Variants in EXOC1 observed in about 807,000 individuals in gnomAD.
EXOC1 encodes SEC3-like 1.
EXOC1 carries 67 observed loss-of-function variants against 107.7 expected under a neutral mutation model. The observed-to-expected ratio is 0.62, with a 90% CI of 0.51 to 0.76. The LOEUF (loss-of-function observed/expected upper bound fraction) is 0.76. Among genes scored for constraint, EXOC1 ranks in the 30% least tolerant of loss-of-function variants. The probability of loss-of-function intolerance (pLI) is 0.00; values close to 1 mark genes in which losing one functional copy is unlikely to be tolerated. For missense variants in EXOC1, 833 were observed against 1,055.7 expected, an observed-to-expected ratio of 0.79 and a Z score of 2.92; for synonymous variants, 348 against 353.5, an observed-to-expected ratio of 0.98 and a Z score of 0.17.
rs762315312 is a variant in EXOC1, at chr4:55,904,369, A to G, written c.2559A>G (p.Glu853=). ...TGGTGTGGCACTCCATGCAAGATGA[A>G]TTTATACGCCAGTATAAGCACTTTG... is the stretch of plus-strand genomic sequence containing the variant. ...LQVVWHSMQD[E]FIRQYKHFEG... is the part of the protein sequence containing the mutation. Residue 853 remains glutamate (E), a synonymous_variant, in exon 19 of 19, where the codon GAA becomes GAG. Coordinates refer to ENST00000381295, the MANE Select transcript of EXOC1 (RefSeq NM_001024924.2). 3.7e-6 allele frequency: 6 copies of G among 1,610,374 alleles called. No homozygotes were observed. The highest frequency in any genetic ancestry group is 2.5e-6 in the Non-Finnish European group (3 of 1,178,986).
intron 8 of EXOC1, chr4:55,876,231 A>G: frequency 1.0e-6 from 1 of 985,396 alleles, no homozygotes; most frequent in Non-Finnish European, 1.2e-6. Flanking sequence ...TCAACACTTT[A>G]GCTCTTAGTC....
intron 14 of EXOC1, 136 bp downstream of exon 14, chr4:55,892,847 T>C (rs191538147): frequency 2.8e-6 from 2 of 725,876 alleles, no homozygotes; most frequent in Non-Finnish European, 4.6e-6. Flanking sequence ...TCCATTGTCT[T>C]ATCAAACGTT....
chr4:55,899,054 G>C (rs986665540), intron 16 of EXOC1, among the ~76,000 whole-genome samples: 10 of 151,934 alleles, frequency 6.6e-5, no homozygotes, highest in Non-Finnish European at 1.3e-4. Context: ...GGTTTTACTA[G>C]GTATTACCAA....
intron 4 of EXOC1, 69 bp downstream of exon 4, chr4:55,864,455 T>G: frequency 7.9e-7 from 1 of 1,268,034 alleles, no homozygotes. Flanking sequence ...TTTGACATCA[T>G]TCAAATTAAT....
chr4:55,872,099 A>T, intron 8 of EXOC1, 141 bp downstream of exon 8: 1 of 792,818 alleles, frequency 1.3e-6, no homozygotes. Flanking sequence ...ATTTTGAAAT[A>T]GGAGCCTCTT....
intron 15 of EXOC1, 84 bp downstream of exon 15, chr4:55,893,864 C>A: frequency 9.0e-7 from 1 of 1,115,514 alleles, no homozygotes; most frequent in Non-Finnish European, 1.3e-6. Flanking sequence ...GAGGGATTTC[C>A]AGCTTTCTGT....
chr4:55,857,071 A>G (rs1414522799), intron 1 of EXOC1, among the ~76,000 whole-genome samples: 1 of 151,976 alleles, frequency 6.6e-6, no homozygotes, highest in Non-Finnish European at 1.5e-5. Flanking sequence ...GAATCATACA[A>G]TACGTGGTCT....
At chr4:55,888,956 A>G (rs1489788179) in intron 11 of EXOC1, 24 bp downstream of exon 11, 1 of 1,610,646 alleles carries the variant, frequency 6.2e-7, no homozygotes, top group African/African-American at 1.3e-5. Context: ...GTGTATTAGT[A>G]GGTATTCTCA....
chr4:55,875,401 G>C, intron 8 of EXOC1: 1 of 976,568 alleles, frequency 1.0e-6, no homozygotes, highest in Non-Finnish European at 1.2e-6. Flanking sequence ...TGCCATAACA[G>C]AAAGAAGGAG....
chr4:55,872,696 TA>T (rs779768219), intron 8 of EXOC1: 35 of 652,892 alleles, frequency 5.4e-5, no homozygotes, highest in Non-Finnish European at 6.3e-5. Context: ...ATTTTTACTT[TA>T]TTTTCACTTT....
chr4:55,904,432 T>A lies in EXOC1; in HGVS notation c.2622T>A (p.Val874=), dbSNP rs1399506208. The A allele has an allele frequency of 1.1e-5, 17 of 1,613,204 alleles. No homozygotes were observed. In the East Asian group the frequency reaches 3.8e-4, roughly 36 times the overall value. Residue 874 remains valine (V), a synonymous_variant, in exon 19 of 19, where the codon GTT becomes GTA. Coordinates refer to ENST00000381295, the MANE Select transcript of EXOC1 (RefSeq NM_001024924.2). ...LIARCYPGSG[V]TMEFTIQDIL... is the part of the protein sequence containing the mutation. ...CTCGCTGTTATCCTGGATCTGGTGT[T>A]ACAATGGAATTCACTATTCAGGACA...
intron 3 of EXOC1, 87 bp downstream of exon 3, chr4:55,860,628 A>G: frequency 6.8e-7 from 1 of 1,462,370 alleles, no homozygotes; most frequent in South Asian, 1.3e-5. Flanking sequence ...ATGATCTAAA[A>G]ACAAATTAAT....
At chr4:55,854,987 G>A (rs1000723273) in intron 1 of EXOC1, among the ~76,000 whole-genome samples, 2 of 152,206 alleles carry the variant, frequency 1.3e-5, no homozygotes, top group Non-Finnish European at 2.9e-5. Flanking sequence ...TTTGGATTAA[G>A]ATCTTCATTG....
At position 55,896,806 on chromosome 4, in the gene EXOC1, T is replaced by A; in HGVS notation, c.2043T>A (p.Phe681Leu). The A allele has an allele frequency of 1.2e-6, 2 of 1,612,244 alleles. No individual in the cohort carries two copies. Among genetic ancestry groups the A allele is most frequent in the Non-Finnish European group, 1.7e-6 (2 of 1,179,432 alleles). Reference protein sequence around the residue: ...ILPFVAEFEEFAGLAESIFKN... With the variant: ...ILPFVAEFEELAGLAESIFKN... ...CATTTGTTGCTGAATTTGAAGAATT[T>A]GCTGGACTTGCAGAATCAATCTTCA... Residue 681 changes from phenylalanine to leucine, a missense_variant, in exon 16 of 19, where the codon TTT becomes TTA. Physicochemically the swap from Phe to Leu is conservative, Grantham distance 22. Transcript: ENST00000381295.
intron 17 of EXOC1, 107 bp downstream of exon 17, chr4:55,899,991 G>T (rs1386234232): frequency 1.1e-6 from 1 of 906,838 alleles, no homozygotes; most frequent in African/African-American, 1.7e-5. Flanking sequence ...ATGTGTTGGT[G>T]CACAGGGGAC....
At chr4:55,888,765 C>A in intron 10 of EXOC1, 123 bp from the exon 11 acceptor site, 1 of 912,970 alleles carries the variant, frequency 1.1e-6, no homozygotes, top group South Asian at 1.5e-5. Context: ...TTACTTGATG[C>A]TCATGGTTCT....
chr4:55,868,530 C>G lies in EXOC1; in HGVS notation c.603+7C>G. On this transcript the variant is annotated splice_region_variant and intron_variant, in intron 5 of 18. Transcript: ENST00000381295. The stretch of plus-strand genomic sequence containing the variant: ...GCTGCAGGTGCTAGATGGGGTAAGA[C>G]TTTCCTGAATTCTATGAATAAGTGA... 1.2e-6 allele frequency: 2 copies of G among 1,611,156 alleles called. No individual in the cohort carries two copies. Among genetic ancestry groups the G allele is most frequent in the Non-Finnish European group, 1.7e-6 (2 of 1,178,156 alleles).
chr4:55,872,134 C>T (rs976753579), intron 8 of EXOC1, among the ~76,000 whole-genome samples, 176 bp downstream of exon 8: 1 of 152,162 alleles, frequency 6.6e-6, no homozygotes, highest in African/African-American at 2.4e-5. Flanking sequence ...CTTTGGGCCT[C>T]AGCTGCCTCT....
intron 3 of EXOC1, among the ~76,000 whole-genome samples, chr4:55,863,841 A>G (rs1456781405): frequency 1.3e-5 from 2 of 152,216 alleles, no homozygotes; most frequent in African/African-American, 2.4e-5. Flanking sequence ...ATAGTAGTAC[A>G]TTATTAAAGA....
Sources: allele counts gnomAD v4.1 joint callset (sites outside exome capture counted in the v4.1 genomes callset), GRCh38; gene constraint gnomAD v4.1.1; transcripts MANE v1.5; gene names NCBI Gene and HGNC (gene_info 2026-07-23, HGNC 2026-07-21).